MAGI2: variants seen among roughly 807,000 people sequenced by gnomAD.
The protein encoded by MAGI2 is membrane-associated guanylate kinase, WW and PDZ domain-containing protein 2.
In MAGI2, 35 loss-of-function variants were observed where a neutral mutation model predicts 133.3. The observed-to-expected ratio is 0.26, with a 90% CI of 0.20 to 0.35. The LOEUF (loss-of-function observed/expected upper bound fraction) is 0.35. Ranked by LOEUF, MAGI2 falls within the 10% of genes least tolerant of loss-of-function variation. The pLI is 1.00. For synonymous variants in MAGI2, 729 were observed against 710.6 expected (o/e 1.03, Z -0.41); for missense variants, 1,636 against 1,863.4 (o/e 0.88, Z 2.25).
At chr7:79,204,715 T>C (rs918409630) in intron 1 of MAGI2, among the ~76,000 whole-genome samples, 2 of 151,782 alleles carry the variant, frequency 1.3e-5, no homozygotes, top group African/African-American at 4.9e-5. Flanking sequence ...AGAAAAATAC[T>C]TCAATAAAAT....
chr7:79,057,893 T>A (rs556665386), intron 1 of MAGI2, among the ~76,000 whole-genome samples: 70 of 151,796 alleles, frequency 4.6e-4, no homozygotes, highest in Non-Finnish European at 8.8e-4. Context: ...TTTTTGCTAA[T>A]CCCAAAATGG....
intron 1 of MAGI2, chr7:79,414,050 A>T (rs1007462415): frequency 6.6e-6 from 1 of 152,144 alleles, no homozygotes; most frequent in Non-Finnish European, 1.5e-5. Context: ...ACATCAGAGG[A>T]GAGAATGGCT....
chr7:79,270,491 C>A (rs562974024), intron 1 of MAGI2, among the ~76,000 whole-genome samples: 2 of 152,240 alleles, frequency 1.3e-5, no homozygotes, highest in African/African-American at 4.8e-5. Flanking sequence ...ATGATTATAA[C>A]TTTTCTCAAT....
At chr7:78,959,871 G>A (rs1024579867) in intron 2 of MAGI2, among the ~76,000 whole-genome samples, 3 of 152,152 alleles carry the variant, frequency 2.0e-5, no homozygotes, top group Non-Finnish European at 4.4e-5. Context: ...TGGAGTTATG[G>A]AGTGAATCAC....
At chr7:79,071,105 T>C (rs1814918109) in intron 1 of MAGI2, among the ~76,000 whole-genome samples, 1 of 152,340 alleles carries the variant, frequency 6.6e-6, no homozygotes, top group African/African-American at 2.4e-5. Flanking sequence ...GTCTTTGATG[T>C]TGGTGACCTT....
intron 1 of MAGI2, among the ~76,000 whole-genome samples, chr7:79,082,591 T>C (rs577182826): frequency 1.3e-5 from 2 of 152,200 alleles, no homozygotes; most frequent in South Asian, 4.1e-4. Flanking sequence ...TGTCTGTCCT[T>C]TTGCCATTGC....
At chr7:78,147,590 G>A (rs577778012) in intron 16 of MAGI2, among the ~76,000 whole-genome samples, 2 of 151,978 alleles carry the variant, frequency 1.3e-5, no homozygotes, top group African/African-American at 2.4e-5. Context: ...GATTCAAAAC[G>A]TGTTTTGTTG....
chr7:79,261,260 T>C (rs1834067171), intron 1 of MAGI2, among the ~76,000 whole-genome samples: 1 of 152,194 alleles, frequency 6.6e-6, no homozygotes, highest in African/African-American at 2.4e-5. Flanking sequence ...TTCGTTGTGG[T>C]TCAAATTTAT....
At chr7:79,191,074 T>G (rs1562978476) in intron 1 of MAGI2, among the ~76,000 whole-genome samples, 1 of 151,854 alleles carries the variant, frequency 6.6e-6, no homozygotes, top group African/African-American at 2.4e-5. Flanking sequence ...TTGAGTTTTG[T>G]AGGATTTTAG....
At chr7:78,241,057 C>T (rs995782946) in intron 10 of MAGI2, among the ~76,000 whole-genome samples, 3 of 152,020 alleles carry the variant, frequency 2.0e-5, no homozygotes, top group African/African-American at 7.2e-5. Flanking sequence ...AGGAGGCAAA[C>T]TTCTTGAGGC....
At chr7:78,272,293 C>A (rs1266425041) in intron 9 of MAGI2, among the ~76,000 whole-genome samples, 1 of 152,170 alleles carries the variant, frequency 6.6e-6, no homozygotes, top group East Asian at 1.9e-4. Flanking sequence ...TTTGATTGCA[C>A]TGTGGTCTGA....
chr7:79,297,325 G>T lies in MAGI2; in HGVS notation c.301+155695C>A, dbSNP rs115461131. Among the ~76,000 whole-genome samples the T allele has an allele frequency of 3.3e-3, 496 of 152,298 alleles. 2 individuals carry two copies. The highest frequency in any genetic ancestry group is 0.012 in the African/African-American group (478 of 41,558). ...AAGATGAGCAAGATAGATGGGGATTGCATGTTTTAGATGAAATAAAATAGA... is the reference window on the plus strand; with the variant it reads ...AAGATGAGCAAGATAGATGGGGATTTCATGTTTTAGATGAAATAAAATAGA... On this transcript the variant is annotated intron_variant, in intron 1 of 21. Transcript: ENST00000354212.
intron 2 of MAGI2, among the ~76,000 whole-genome samples, chr7:78,715,669 C>T (rs1418499321): frequency 1.3e-5 from 2 of 152,064 alleles, no homozygotes; most frequent in Admixed American, 1.3e-4. Flanking sequence ...AGACAGATGA[C>T]AGTAAAATAA....
chr7:79,153,211 T>C (rs978012421), intron 1 of MAGI2, among the ~76,000 whole-genome samples: 3 of 152,106 alleles, frequency 2.0e-5, no homozygotes, highest in African/African-American at 2.4e-5. Flanking sequence ...AATTCTTAGT[T>C]CTTCTAAATT....
At chr7:79,053,531 C>A (rs1812870596) in intron 1 of MAGI2, among the ~76,000 whole-genome samples, 1 of 151,802 alleles carries the variant, frequency 6.6e-6, no homozygotes, top group African/African-American at 2.4e-5. Flanking sequence ...GAAAAAAAAA[C>A]TTTATAATAT....
intron 10 of MAGI2, chr7:78,252,296 G>T (rs972532758): frequency 1.3e-5 from 2 of 151,998 alleles, no homozygotes; most frequent in Admixed American, 1.3e-4. Flanking sequence ...TAACCTAGAG[G>T]GTGTGGTAGT....
At chr7:78,490,710 A>G (rs1223501557) in intron 5 of MAGI2, among the ~76,000 whole-genome samples, 1 of 152,140 alleles carries the variant, frequency 6.6e-6, no homozygotes, top group African/African-American at 2.4e-5. Flanking sequence ...AAGCACTCCC[A>G]GTACTTCTTA....
chr7:78,966,350 A>G (rs1803303032), intron 2 of MAGI2, among the ~76,000 whole-genome samples: 1 of 151,456 alleles, frequency 6.6e-6, no homozygotes, highest in Non-Finnish European at 1.5e-5. Flanking sequence ...CTCTCCCTCT[A>G]CTCCTGGCAA....
chr7:78,993,108 A>T (rs1031230701), intron 2 of MAGI2, among the ~76,000 whole-genome samples: 1 of 152,076 alleles, frequency 6.6e-6, no homozygotes, highest in Non-Finnish European at 1.5e-5. Flanking sequence ...CTCATACTAT[A>T]AGCAGAACAG....
Sources: gnomAD v4.1 joint callset for allele counts (sites outside exome capture counted in the v4.1 genomes callset) on GRCh38, gnomAD v4.1.1 for gene constraint, MANE v1.5 for transcripts, NCBI Gene and HGNC (gene_info 2026-07-23, HGNC 2026-07-21) for gene names.